SVOPL: variants seen among roughly 807,000 people sequenced by gnomAD.
SVOPL encodes putative transporter SVOPL.
SVOPL carries 60 observed loss-of-function variants against 61.0 expected under a neutral mutation model. The ratio of observed to expected loss-of-function variants is 0.98; its 90% CI spans 0.80 to 1.22. The LOEUF is 1.22. Ranked by LOEUF, SVOPL falls within the 50% of genes most tolerant of loss-of-function variation. The pLI is 0.00. For synonymous variants in SVOPL, 279 were observed against 250.0 expected (o/e 1.12, Z -1.09); for missense variants, 662 against 643.9 (o/e 1.03, Z -0.30).
In SVOPL at chr7:138,612,437, A is replaced by G. The variant is rs1238311675; in HGVS notation, c.1353+8609T>C. 5.2e-5 allele frequency among the ~76,000 whole-genome samples: 2 copies of G among 38,694 alleles called. 1 individual carries two copies. The highest frequency in any genetic ancestry group is 1.1e-4 in the Non-Finnish European group (2 of 18,452). 25.4% of individuals were successfully genotyped at this position (38,694 alleles called of 152,430 possible). A position where few individuals can be genotyped will look rare whatever the true frequency, so the allele number is the denominator to read the frequency against. On this transcript the variant is annotated intron_variant, in intron 14 of 15. Transcript: ENST00000674285. ...AAAAAAAAAAAATAAAATAAAAAAT[A>G]AAAAAAAAATAAAAAAAAAAAAAAA...
chr7:138,619,106 A>G (rs1188172684), intron 14 of SVOPL, among the ~76,000 whole-genome samples: 1 of 152,150 alleles, frequency 6.6e-6, no homozygotes, highest in African/African-American at 2.4e-5. Context: ...ATCCAGAAAT[A>G]GGGTTAATGT....
At chr7:138,621,822 G>GTATCTATCTATCTATGTATCTATC (rs113136641) in intron 13 of SVOPL, among the ~76,000 whole-genome samples, 2 of 13,418 alleles carry the variant, frequency 1.5e-4, no homozygotes, top group African/African-American at 1.9e-4. Flanking sequence ...ATGTATCTAT[G>GTATCTATCTATCTATGTATCTATC]TATCTATGTA....
intron 1 of SVOPL, among the ~76,000 whole-genome samples, chr7:138,687,694 G>GA (rs35163299): frequency 0.14 from 18,735 of 137,848 alleles, 1,253 homozygotes; most frequent in Middle Eastern, 0.19. Context: ...TCAAGAAGGT[G>GA]AAAAAAAAAA....
intron 14 of SVOPL, among the ~76,000 whole-genome samples, chr7:138,613,758 G>A (rs1057129693): frequency 6.6e-6 from 1 of 152,068 alleles, no homozygotes; most frequent in African/African-American, 2.4e-5. Flanking sequence ...GCCTCTTGAG[G>A]GCAGGAACCT....
chr7:138,615,137 T>C (rs1293871855), intron 14 of SVOPL, among the ~76,000 whole-genome samples: 1 of 152,134 alleles, frequency 6.6e-6, no homozygotes, highest in Non-Finnish European at 1.5e-5. Flanking sequence ...GACTGGGTGC[T>C]TTTGTCCCTC....
Position 138,626,058 on chromosome 7 carries a change from A to G in SVOPL, c.1182-8T>C. The G allele has an allele frequency of 2.5e-6, 4 of 1,613,918 alleles. No individual in the cohort carries two copies. The highest frequency in any genetic ancestry group is 3.4e-6 in the Non-Finnish European group (4 of 1,179,960). On this transcript the variant is annotated splice_polypyrimidine_tract_variant and splice_region_variant and intron_variant, in intron 12 of 15. Coordinates refer to ENST00000674285, the MANE Select transcript of SVOPL (RefSeq NM_001139456.2). ...AAGCCAATCAGGCCGGCACTAGAAA[A>G]CAGGAAGCGGAGAGAAATTATAAAA... is the stretch of plus-strand genomic sequence containing the variant.
chr7:138,656,340 T>TAA (rs1393850088), intron 7 of SVOPL, 108 bp downstream of exon 7: 16 of 1,096,454 alleles, frequency 1.5e-5, no homozygotes, highest in Non-Finnish European at 2.2e-5. Flanking sequence ...GATACTCGCT[T>TAA]AATTGCAGCG....
chr7:138,677,584 A>G (rs1056561354), intron 3 of SVOPL, among the ~76,000 whole-genome samples: 1 of 152,148 alleles, frequency 6.6e-6, no homozygotes, highest in African/African-American at 2.4e-5. Flanking sequence ...AAGAATCTCT[A>G]TTAACAGAGC....
At chr7:138,653,472 G>A (rs529964556) in intron 7 of SVOPL, among the ~76,000 whole-genome samples, 12 of 152,106 alleles carry the variant, frequency 7.9e-5, no homozygotes, top group South Asian at 2.1e-4. Context: ...AATGATCATC[G>A]ACCATTCTGA....
chr7:138,642,327 C>T (rs1055450664), intron 9 of SVOPL, among the ~76,000 whole-genome samples: 13 of 148,774 alleles, frequency 8.7e-5, no homozygotes, highest in Non-Finnish European at 4.4e-5. Context: ...GAATGGACCC[C>T]GCCCCCGCAA....
intron 4 of SVOPL, among the ~76,000 whole-genome samples, chr7:138,670,441 C>CT (rs1214592040): frequency 2.0e-5 from 3 of 152,134 alleles, no homozygotes; most frequent in Non-Finnish European, 4.4e-5. Flanking sequence ...TTTGAGAAGT[C>CT]TTTTCAGACT....
chr7:138,633,196 A>T (rs1800298480), intron 9 of SVOPL, among the ~76,000 whole-genome samples: 1 of 152,188 alleles, frequency 6.6e-6, no homozygotes, highest in Admixed American at 6.6e-5. Context: ...AAACTAGAAT[A>T]ATGGAATCAT....
Position 138,677,200 on chromosome 7 carries a change from G to A in SVOPL, c.174+1234C>T, listed in dbSNP as rs554816340. ...ATTACAGGCGTGAGCCACTGCGCCC[G>A]GCCTCCTGCTCTTTTTCTTATCCCT... On this transcript the variant is annotated intron_variant, in intron 3 of 15. Transcript: ENST00000674285. 5.3e-5 allele frequency among the ~76,000 whole-genome samples: 8 copies of A among 152,120 alleles called. No homozygotes were observed. In the East Asian group the frequency reaches 5.8e-4, roughly 11 times the overall value.
At chr7:138,596,961 T>A in intron 14 of SVOPL, 1 of 1,121,302 alleles carries the variant, frequency 8.9e-7, no homozygotes, top group Non-Finnish European at 1.1e-6. Context: ...AGGTGAAAGT[T>A]TTTTTTGGAA....
rs532349231 is a variant in SVOPL at position 138,634,120 on chromosome 7, G to A, written c.790-3998C>T. 4.6e-5 allele frequency among the ~76,000 whole-genome samples: 7 copies of A among 152,180 alleles called. No individual in the cohort carries two copies. The South Asian group carries it at 8.3e-4, about 18-fold the overall frequency. ...TTTCTCTGTACCTCCTGGTCTCCCT[G>A]TTATGCATTCATTCCCTGCCTTGGC... On this transcript the variant is annotated intron_variant, in intron 9 of 15. Coordinates refer to ENST00000674285, the MANE Select transcript of SVOPL (RefSeq NM_001139456.2).
chr7:138,657,866 T>C (rs2117064309), intron 6 of SVOPL, among the ~76,000 whole-genome samples: 1 of 152,282 alleles, frequency 6.6e-6, no homozygotes, highest in East Asian at 1.9e-4. Flanking sequence ...CAAGGGGTCC[T>C]GTGAATTCAA....
Position 138,603,047 on chromosome 7 carries a change from A to G in SVOPL, c.1354-6517T>C, listed in dbSNP as rs148302999. ...TAACATGTATATAAAACACACATCT[A>G]TATATACATACACATCCACATATAT... On this transcript the variant is annotated intron_variant, in intron 14 of 15. Transcript: ENST00000674285. Among the ~76,000 whole-genome samples the G allele has an allele frequency of 2.8e-3, 420 of 152,276 alleles. 3 individuals are homozygous for G. The highest frequency in any genetic ancestry group is 0.01 in the African/African-American group (416 of 41,558).
chr7:138,635,980 G>A (rs140537660), intron 9 of SVOPL, among the ~76,000 whole-genome samples: 131 of 152,216 alleles, frequency 8.6e-4, no homozygotes, highest in Middle Eastern at 3.4e-3. Flanking sequence ...TCACAGTGGC[G>A]CAATCTCAGC....
intron 14 of SVOPL, among the ~76,000 whole-genome samples, chr7:138,607,704 G>A (rs904527515): frequency 2.0e-5 from 3 of 152,190 alleles, no homozygotes; most frequent in African/African-American, 7.2e-5. Flanking sequence ...CTCTTTTAAG[G>A]AGGTTAGCTG....
Sources: gnomAD v4.1 joint callset for allele counts (sites outside exome capture counted in the v4.1 genomes callset) on GRCh38, gnomAD v4.1.1 for gene constraint, MANE v1.5 for transcripts, NCBI Gene and HGNC (gene_info 2026-07-23, HGNC 2026-07-21) for gene names.